The following RAB6B variants were observed in gnomAD, a reference collection of about 807,000 sequenced individuals.
RAB6B encodes the protein ras-related protein Rab-6B.
RAB6B carries 7 observed loss-of-function variants against 31.2 expected under a neutral mutation model. The ratio of observed to expected loss-of-function variants is 0.22; its 90% confidence interval spans 0.13 to 0.42. The LOEUF (loss-of-function observed/expected upper bound fraction) is 0.42, where lower values mean the gene tolerates loss of function less well. Ranked by LOEUF, RAB6B falls within the 10% of genes least tolerant of loss-of-function variation. The pLI is 1.00. For missense variants in RAB6B, 149 were observed against 280.6 expected (o/e 0.53, Z 3.35); for synonymous variants, 105 against 104.9 (o/e 1.00, Z -0.01).
In RAB6B at chr3:133,828,770, C is replaced by T. The variant is rs1162325387; in HGVS notation, c.*18G>A. The T allele has an allele frequency of 1.8e-5, 29 of 1,597,008 alleles. No homozygotes were observed. Among genetic ancestry groups the T allele is most frequent in the Non-Finnish European group, 2.5e-5 (29 of 1,165,230 alleles). On this transcript the variant is annotated 3_prime_UTR_variant, in exon 8 of 8. Transcript: ENST00000285208. ...AACAAGCAAGGAGTGTCATGGGAAGCCACAGGTCGGCTCTGCATTAGCAGG... is the reference window on the plus strand; with the variant it reads ...AACAAGCAAGGAGTGTCATGGGAAGTCACAGGTCGGCTCTGCATTAGCAGG...
In RAB6B at chr3:133,828,868, C is replaced by A. The variant is rs1311159880; in HGVS notation, c.563-16G>T. ...ATGTCGATCACTGCAGGGGGACGGG[C>A]TAAGGAAGATGACTCTCCTGGACAA... On this transcript the variant is annotated splice_polypyrimidine_tract_variant and intron_variant, in intron 7 of 7. Coordinates refer to ENST00000285208, the MANE Select transcript of RAB6B (RefSeq NM_016577.4). The A allele has an allele frequency of 6.2e-7, 1 of 1,601,192 alleles. No homozygotes were observed. Among genetic ancestry groups the A allele is most frequent in the African/African-American group, 1.3e-5 (1 of 74,630 alleles).
chr3:133,835,617 T>C (rs1163800051), intron 6 of RAB6B, among the ~76,000 whole-genome samples: 5 of 152,054 alleles, frequency 3.3e-5, no homozygotes, highest in African/African-American at 1.2e-4. Flanking sequence ...CAGAAGACTC[T>C]GAACTGCTAG....
At chr3:133,886,241 C>A (rs1430266978) in intron 1 of RAB6B, among the ~76,000 whole-genome samples, 1 of 152,212 alleles carries the variant, frequency 6.6e-6, no homozygotes, top group African/African-American at 2.4e-5. Context: ...TGCAAAACCT[C>A]CTCCAGAAAG....
chr3:133,855,990 C>A lies in RAB6B; in HGVS notation c.129+8594G>T, dbSNP rs142709519. 1.9e-3 allele frequency among the ~76,000 whole-genome samples: 290 copies of A among 152,116 alleles called. 2 individuals carry two copies. Among genetic ancestry groups the A allele is most frequent in the African/African-American group, 6.4e-3 (264 of 41,542 alleles). ...TCCAGGGAAGCTCTTGCTTTTTCTG[C>A]CTTGAATGTGGATGTGATGTCTGGA... On this transcript the variant is annotated intron_variant, in intron 2 of 7. Transcript: ENST00000285208.
rs376113060 is a variant in RAB6B at position 133,827,615 on chromosome 3, G to T, written c.*1173C>A. On this transcript the variant is annotated 3_prime_UTR_variant, in exon 8 of 8. Transcript: ENST00000285208. ...GTAGCCACAAAGATATGTCCACAAAGACTTCAACTGCGCCATGCCACTGGG... is the reference window on the plus strand; with the variant it reads ...GTAGCCACAAAGATATGTCCACAAATACTTCAACTGCGCCATGCCACTGGG... 7.9e-5 allele frequency: 36 copies of T among 453,280 alleles called. No individual in the cohort carries two copies. Among genetic ancestry groups the T allele is most frequent in the Middle Eastern group, 6.0e-4 (1 of 1,664 alleles). The allele number at this position is 453,280 out of a possible 1,614,324, so 28.1% of individuals were successfully genotyped here. A position where few individuals can be genotyped will look rare whatever the true frequency, so the allele number is the denominator to read the frequency against.
intron 1 of RAB6B, among the ~76,000 whole-genome samples, chr3:133,889,515 A>C (rs2108017025): frequency 6.9e-6 from 1 of 145,452 alleles, no homozygotes; most frequent in Non-Finnish European, 1.5e-5. Flanking sequence ...GCTCACTGAA[A>C]CCTCCGCCTC....
rs559567209 is a variant in RAB6B, at chr3:133,826,883, T to G, written c.*1905A>C. 6.5e-6 allele frequency: 1 copy of G among 152,812 alleles called. No homozygotes were observed. Among genetic ancestry groups the G allele is most frequent in the African/African-American group, 2.4e-5 (1 of 41,588 alleles). 9.5% of individuals were successfully genotyped at this position (152,812 alleles called of 1,614,324 possible). On this transcript the variant is annotated 3_prime_UTR_variant, in exon 8 of 8. Transcript: ENST00000285208. ...GAAACAAGAATATACATTGAGCACA[T>G]GTATCTCCGTGAGGATGTGTTTGTG...
intron 5 of RAB6B, among the ~76,000 whole-genome samples, chr3:133,838,600 G>A (rs534745154): frequency 3.3e-5 from 5 of 152,300 alleles, no homozygotes; most frequent in Non-Finnish European, 1.5e-5. Flanking sequence ...GCCAGGCAGT[G>A]CCACTCTGGG....
chr3:133,879,631 G>A (rs1159146658), intron 1 of RAB6B, among the ~76,000 whole-genome samples: 1 of 152,196 alleles, frequency 6.6e-6, no homozygotes, highest in Non-Finnish European at 1.5e-5. Context: ...TCTTAGCTAT[G>A]AGGACCGACA....
At chr3:133,873,354 T>C (rs1936352050) in intron 1 of RAB6B, among the ~76,000 whole-genome samples, 2 of 152,202 alleles carry the variant, frequency 1.3e-5, no homozygotes, top group Admixed American at 1.3e-4. Flanking sequence ...GGCTGGAGAC[T>C]GGAAGATTTA....
chr3:133,831,898 C>A (rs1288087669), intron 7 of RAB6B, among the ~76,000 whole-genome samples: 1 of 152,188 alleles, frequency 6.6e-6, no homozygotes, highest in Non-Finnish European at 1.5e-5. Context: ...CTTCCCCAAT[C>A]CCAGTGCCTC....
At chr3:133,885,419 C>G in intron 1 of RAB6B, 1 of 696,470 alleles carries the variant, frequency 1.4e-6, no homozygotes, top group South Asian at 1.5e-5. Flanking sequence ...CACTAATGAT[C>G]AGAGGACGGG....
At chr3:133,895,347 C>A (rs373901171) in intron 1 of RAB6B, 50 bp downstream of exon 1, 1 of 1,581,334 alleles carries the variant, frequency 6.3e-7, no homozygotes, top group African/African-American at 1.4e-5. Flanking sequence ...GGCGATTGGG[C>A]GGCGGGGGTC....
intron 5 of RAB6B, 47 bp downstream of exon 5, chr3:133,839,459 A>G: frequency 1.4e-6 from 2 of 1,478,226 alleles, no homozygotes; most frequent in Non-Finnish European, 9.5e-7. Flanking sequence ...GAGCAGTTAC[A>G]GAGGAGTGGA....
intron 4 of RAB6B, among the ~76,000 whole-genome samples, chr3:133,840,513 G>A (rs559052199): frequency 6.6e-6 from 1 of 152,374 alleles, no homozygotes; most frequent in South Asian, 2.1e-4. Context: ...CAGAAGGGGT[G>A]GGCAGAGCCA....
At chr3:133,835,682 T>C (rs1326042822) in intron 6 of RAB6B, among the ~76,000 whole-genome samples, 1 of 152,070 alleles carries the variant, frequency 6.6e-6, no homozygotes, top group Non-Finnish European at 1.5e-5. Flanking sequence ...ATCTCCAATG[T>C]GACAGTATAA....
In RAB6B at chr3:133,870,801, T is replaced by A. The variant is rs111953668; in HGVS notation, c.71-6159A>T. Among the ~76,000 whole-genome samples, 1,200 of 124,634 alleles carry A rather than the reference T, an allele frequency of 9.6e-3. 17 individuals are homozygous for A. The highest frequency in any genetic ancestry group is 0.037 in the African/African-American group (1,110 of 29,772). The allele number at this position is 124,634 out of a possible 152,430, so 81.8% of individuals were successfully genotyped here. On this transcript the variant is annotated intron_variant, in intron 1 of 7. Transcript: ENST00000285208. ...GTAAGCTTATTTTTCACTATTGGCATCAGCATGAAACAGTTATTTTTCTTA... is the reference window on the plus strand; with the variant it reads ...GTAAGCTTATTTTTCACTATTGGCAACAGCATGAAACAGTTATTTTTCTTA...
intron 2 of RAB6B, among the ~76,000 whole-genome samples, chr3:133,847,181 C>T (rs1282115018): frequency 6.6e-6 from 1 of 152,200 alleles, no homozygotes; most frequent in African/African-American, 2.4e-5. Context: ...TTAATCTGGA[C>T]AATAAATCTA....
At chr3:133,887,923 C>A (rs1224291581) in intron 1 of RAB6B, among the ~76,000 whole-genome samples, 1 of 152,182 alleles carries the variant, frequency 6.6e-6, no homozygotes, top group African/African-American at 2.4e-5. Flanking sequence ...TTCAAAGCAC[C>A]ACAAATGGAA....
Sources: gnomAD v4.1 joint callset for allele counts (sites outside exome capture counted in the v4.1 genomes callset) on GRCh38, gnomAD v4.1.1 for gene constraint, MANE v1.5 for transcripts, NCBI Gene and HGNC (gene_info 2026-07-23, HGNC 2026-07-21) for gene names.